The following PHKG2 variants were observed in gnomAD, a reference collection of about 807,000 sequenced individuals.
PHKG2 encodes the protein phosphorylase b kinase gamma catalytic chain, liver/testis isoform.
A neutral mutation model predicts 44.5 loss-of-function variants in PHKG2; 28 were observed. The ratio of observed to expected loss-of-function variants is 0.63; its 90% CI spans 0.47 to 0.86. PHKG2 has a LOEUF of 0.86. Ranked by LOEUF, PHKG2 falls within the 40% of genes least tolerant of loss-of-function variation. The probability of loss-of-function intolerance (pLI) is 0.00; values close to 1 mark genes in which losing one functional copy is unlikely to be tolerated. For synonymous variants in PHKG2, 220 were observed against 211.2 expected (o/e 1.04, Z -0.36); for missense variants, 498 against 547.5 (o/e 0.91, Z 0.90).
intron 6 of PHKG2, among the ~76,000 whole-genome samples, chr16:30,754,438 T>C (rs757298211): frequency 2.0e-5 from 3 of 152,166 alleles, no homozygotes; most frequent in Non-Finnish European, 2.9e-5. Flanking sequence ...AGTGCTGGGA[T>C]TACAGGTGTG....
At position 30,757,464 on chromosome 16, in the gene PHKG2, A is replaced by G; in HGVS notation, c.*367A>G. ...TTCTGGCCCAGACCTTTATTGGGGAAAATGTTGGGGGTCACTTGGTCTTGC... is the reference window on the plus strand; with the variant it reads ...TTCTGGCCCAGACCTTTATTGGGGAGAATGTTGGGGGTCACTTGGTCTTGC... On this transcript the variant is annotated 3_prime_UTR_variant, in exon 10 of 10. Transcript: ENST00000563588. The G allele has an allele frequency of 6.2e-7, 1 of 1,609,712 alleles. No homozygotes were observed. Among genetic ancestry groups the G allele is most frequent in the Non-Finnish European group, 8.5e-7 (1 of 1,177,094 alleles).
At position 30,760,653 on chromosome 16, in the gene PHKG2, G is replaced by A; in HGVS notation, c.*3556G>A. 6.4e-7 allele frequency: 1 copy of A among 1,553,140 alleles called. No individual in the cohort carries two copies. The highest frequency in any genetic ancestry group is 1.4e-5 in the African/African-American group (1 of 72,324). ...TCTTCTCCAGCTGGTGCATGGAATG[G>A]ACGTCCAGGTACTTCCTGTTATAGT... is the stretch of plus-strand genomic sequence containing the variant. On this transcript the variant is annotated 3_prime_UTR_variant, in exon 10 of 10. Coordinates refer to ENST00000563588, the MANE Select transcript of PHKG2 (RefSeq NM_000294.3).
rs1162496912 is a variant in PHKG2 at position 30,748,491 on chromosome 16, G to A, written c.-19+1G>A. On this transcript the variant is annotated splice_donor_variant, in intron 1 of 9. Transcript: ENST00000563588. LOFTEE classifies it low-confidence loss of function (5UTR_SPLICE). ...CTGGCTCCTCTGCCTGCCCCCTCAGGTGAGCCTGCGCTAGACCCCCGTCCC... is the reference window on the plus strand; with the variant it reads ...CTGGCTCCTCTGCCTGCCCCCTCAGATGAGCCTGCGCTAGACCCCCGTCCC... The A allele has an allele frequency of 2.4e-6, 1 of 410,018 alleles. No individual in the cohort carries two copies. Among genetic ancestry groups the A allele is most frequent in the Admixed American group, 4.1e-5 (1 of 24,644 alleles). The allele number at this position is 410,018 out of a possible 1,614,324, so 25.4% of individuals were successfully genotyped here. A position where few individuals can be genotyped will look rare whatever the true frequency, so the allele number is the denominator to read the frequency against.
chr16:30,748,876 A>C lies in PHKG2; in HGVS notation c.56A>C (p.Glu19Ala). ...CTGCCCGACTGGGCCGCCGCCAAAG[A>C]GTTTTACCAGAAGTACGACCCTAAG... ...DELPDWAAAK[E>A]FYQKYDPKDV... Residue 19 changes from glutamate (E) to alanine (A), a missense_variant, in exon 2 of 10, where the codon GAG (glutamate) becomes GCG (alanine). By Grantham distance (107) the Glu-to-Ala change is moderately radical. Transcript: ENST00000563588. 6.4e-7 allele frequency: 1 copy of C among 1,554,826 alleles called. No individual in the cohort carries two copies. Among genetic ancestry groups the C allele is most frequent in the East Asian group, 2.4e-5 (1 of 41,460 alleles).
rs1158938573 is a variant in PHKG2, at chr16:30,757,681, G to C, written c.*584G>C. On this transcript the variant is annotated 3_prime_UTR_variant, in exon 10 of 10. Transcript: ENST00000563588. ...TGCAGGGGCAGGGAAGAAGGGGCAG[G>C]GTGAGGAGAGATGCTGTCTGGCAAT... 1.3e-6 allele frequency: 2 copies of C among 1,589,270 alleles called. No individual in the cohort carries two copies. Among genetic ancestry groups the C allele is most frequent in the Non-Finnish European group, 8.6e-7 (1 of 1,165,804 alleles).
In PHKG2 at chr16:30,756,539, GA is replaced by G. The variant is rs757836861; in HGVS notation, c.801+20del. On this transcript the variant is annotated intron_variant, in intron 8 of 9. Coordinates refer to ENST00000563588, the MANE Select transcript of PHKG2 (RefSeq NM_000294.3). ...AGACCTGGTGAGCGGGGGCTGAGAGGACAGTAGGGGAGGCCCAAGAGCTGCC... is the reference window on the plus strand; with the variant it reads ...AGACCTGGTGAGCGGGGGCTGAGAGGCAGTAGGGGAGGCCCAAGAGCTGCC... The G allele has an allele frequency of 8.7e-6, 14 of 1,612,622 alleles. No individual in the cohort carries two copies. In the African/African-American group the frequency reaches 1.9e-4, roughly 22 times the overall value.
chr16:30,748,516 C>T lies in PHKG2; in HGVS notation c.-19+26C>T, dbSNP rs544606241. The T allele has an allele frequency of 1.7e-3, 843 of 491,516 alleles. 4 individuals carry two copies. Among genetic ancestry groups the T allele is most frequent in the Non-Finnish European group, 2.6e-3 (716 of 272,438 alleles). The allele number at this position is 491,516 out of a possible 1,614,324, so 30.4% of individuals were successfully genotyped here. On this transcript the variant is annotated intron_variant, in intron 1 of 9. Transcript: ENST00000563588. ...GTGAGCCTGCGCTAGACCCCCGTCC[C>T]CTTCCTGCGCCCGCCCGAATGCGCC...
In PHKG2 at chr16:30,756,961, T is replaced by G; in HGVS notation, c.1085T>G (p.Val362Gly). The G allele has an allele frequency of 6.2e-7, 1 of 1,612,768 alleles. No individual in the cohort carries two copies. The highest frequency in any genetic ancestry group is 2.2e-5 in the East Asian group (1 of 44,842). Residue 362 changes from valine to glycine, a missense_variant, in exon 10 of 10, where the codon GTA becomes GGA. Transcript: ENST00000563588. ...GCCTTCCGGCTCTACGGGCACTGGG[T>G]AAAGAAAGGGGAGCAGCAGAACCGG... The part of the protein sequence containing the change: ...NCAFRLYGHW[V>G]KKGEQQNRAA...
chr16:30,755,105 G>A (rs182908368), intron 6 of PHKG2: 21 of 340,938 alleles, frequency 6.2e-5, no homozygotes, highest in Non-Finnish European at 1.1e-4. Context: ...AGCCAAGCGT[G>A]GTGGCACGCA....
At chr16:30,754,165 TTTTTC>T (rs1374009311) in intron 6 of PHKG2, among the ~76,000 whole-genome samples, 1 of 149,648 alleles carries the variant, frequency 6.7e-6, no homozygotes, top group Non-Finnish European at 1.5e-5. Flanking sequence ...TTTTTTTTCT[TTTTTC>T]TTTTTTTTTT....
intron 3 of PHKG2, 116 bp from the exon 4 acceptor site, chr16:30,751,433 T>G: frequency 7.8e-7 from 1 of 1,275,630 alleles, no homozygotes; most frequent in Non-Finnish European, 1.1e-6. Context: ...CTGCCTCCTC[T>G]GGTTCTCCTT....
rs757146657 is a variant in PHKG2 at position 30,759,410 on chromosome 16, A to G, written c.*2313A>G. On this transcript the variant is annotated 3_prime_UTR_variant, in exon 10 of 10. Transcript: ENST00000563588. ...TAAGTGTTGACCACGTAGTCTTCCA[A>G]GGCCAGCAGCTGTTCCTCTTTGAAG... 1 of 1,614,236 alleles carries G rather than the reference A, an allele frequency of 6.2e-7. No individual in the cohort carries two copies. Among genetic ancestry groups the G allele is most frequent in the Non-Finnish European group, 8.5e-7 (1 of 1,180,044 alleles).
At chr16:30,749,313 T>G (rs2053313964) in intron 2 of PHKG2, among the ~76,000 whole-genome samples, 1 of 151,806 alleles carries the variant, frequency 6.6e-6, no homozygotes, top group African/African-American at 2.4e-5. Context: ...AAGTTCAGGT[T>G]TTCTCAGGAG....
chr16:30,759,515 C>T lies in PHKG2; in HGVS notation c.*2418C>T, dbSNP rs189191189. 26 of 1,614,158 alleles carry T rather than the reference C, an allele frequency of 1.6e-5. No homozygotes were observed. In the East Asian group the frequency reaches 5.3e-4, roughly 33 times the overall value. On this transcript the variant is annotated 3_prime_UTR_variant, in exon 10 of 10. Coordinates refer to ENST00000563588, the MANE Select transcript of PHKG2 (RefSeq NM_000294.3). ...CTACCTTCCGGAGCCCTGGCTTTGC[C>T]TCCAAAAGCCCAGCAACAGGAGCAA... is the stretch of plus-strand genomic sequence containing the variant.
rs1417833251 is a variant in PHKG2, at chr16:30,757,633, G to A, written c.*536G>A. On this transcript the variant is annotated 3_prime_UTR_variant, in exon 10 of 10. Coordinates refer to ENST00000563588, the MANE Select transcript of PHKG2 (RefSeq NM_000294.3). The stretch of plus-strand genomic sequence containing the variant: ...TTTGTTCACTTGGGTCTTGATGTAG[G>A]CTCGGAGGACGTGGATGTGGCCTGC... The A allele has an allele frequency of 6.2e-7, 1 of 1,613,618 alleles. No homozygotes were observed. The highest frequency in any genetic ancestry group is 1.1e-5 in the South Asian group (1 of 91,026).
At position 30,756,237 on chromosome 16, in the gene PHKG2, T is replaced by C. The variant is rs748454786; in HGVS notation, c.612T>C (p.Asp204=). 8 of 1,614,036 alleles carry C rather than the reference T, an allele frequency of 5.0e-6. No homozygotes were observed. In the East Asian group the frequency reaches 1.6e-4, roughly 31 times the overall value. ...LAPEILKCSM[D]ETHPGYGKEV... ...CAGAGATCCTTAAATGCTCCATGGATGAAACCCACCCAGGCTATGGCAAGG... is the reference window on the plus strand; with the variant it reads ...CAGAGATCCTTAAATGCTCCATGGACGAAACCCACCCAGGCTATGGCAAGG... The change falls in exon 7 of 10, where the codon GAT becomes GAC. Residue 204 remains aspartate (D), a synonymous_variant. Transcript: ENST00000563588.
intron 2 of PHKG2, among the ~76,000 whole-genome samples, chr16:30,749,508 G>A (rs947677516): frequency 1.1e-4 from 16 of 151,674 alleles, no homozygotes; most frequent in Admixed American, 1.3e-4. Flanking sequence ...CCACCACGCC[G>A]GCTAATTTAT....
chr16:30,751,903 C>G (rs576006411), intron 4 of PHKG2: 130 of 394,968 alleles, frequency 3.3e-4, no homozygotes, highest in African/African-American at 2.6e-3. Context: ...ACCATCCTGG[C>G]TAACACAGTG....
chr16:30,751,571 G>A lies in PHKG2; in HGVS notation c.294G>A (p.Glu98=). The A allele has an allele frequency of 6.2e-7, 1 of 1,613,876 alleles. No individual in the cohort carries two copies. The highest frequency in any genetic ancestry group is 1.3e-5 in the African/African-American group (1 of 75,008). Residue 98 remains glutamate (E), a synonymous_variant, in exon 4 of 10, where the codon GAG becomes GAA. Coordinates refer to ENST00000563588, the MANE Select transcript of PHKG2 (RefSeq NM_000294.3). ...PHIITLIDSY[E]SSSFMFLVFD... The stretch of plus-strand genomic sequence containing the variant: ...TAGTCACCCTCATCGATTCCTACGA[G>A]TCTTCTAGCTTCATGTTCCTGGTGT...
Sources: gnomAD v4.1 joint callset for allele counts (sites outside exome capture counted in the v4.1 genomes callset) on GRCh38, gnomAD v4.1.1 for gene constraint, MANE v1.5 for transcripts, NCBI Gene and HGNC (gene_info 2026-07-23, HGNC 2026-07-21) for gene names.